BACH2: variants seen among roughly 807,000 people sequenced by gnomAD.
BACH2 encodes the protein transcription regulator protein BACH2.
In BACH2, 5 loss-of-function variants were observed where a neutral mutation model predicts 61.8. That is an observed-to-expected ratio of 0.08 (90% confidence interval 0.04 to 0.17). The LOEUF is 0.17. Ranked by LOEUF, BACH2 falls within the 10% of genes least tolerant of loss-of-function variation. The pLI is 1.00. For missense variants in BACH2, 824 were observed against 1,091.1 expected (o/e 0.76, Z 3.45); for synonymous variants, 446 against 440.1 (o/e 1.01, Z -0.17).
chr6:90,149,324 A>C (rs1394062994), intron 4 of BACH2, among the ~76,000 whole-genome samples: 2 of 152,200 alleles, frequency 1.3e-5, no homozygotes, highest in African/African-American at 4.8e-5. Flanking sequence ...AGTACTCCCA[A>C]CTCACTGTTA....
intron 4 of BACH2, among the ~76,000 whole-genome samples, chr6:90,114,810 C>T (rs1390463926): frequency 6.6e-6 from 1 of 152,136 alleles, no homozygotes; most frequent in Non-Finnish European, 1.5e-5. Flanking sequence ...TAAACAACTT[C>T]AACGAAGTTG....
intron 8 of BACH2, among the ~76,000 whole-genome samples, chr6:89,935,511 T>C (rs965833776): frequency 3.3e-5 from 5 of 152,304 alleles, no homozygotes; most frequent in South Asian, 4.1e-4. Flanking sequence ...GGGGAAGGCA[T>C]TGCAAATCAT....
At chr6:89,941,025 G>A (rs1273205264) in intron 7 of BACH2, among the ~76,000 whole-genome samples, 4 of 152,124 alleles carry the variant, frequency 2.6e-5, no homozygotes, top group African/African-American at 9.7e-5. Flanking sequence ...ATGAATCCCA[G>A]CAGCCAGAAA....
At chr6:90,147,536 G>A (rs1784665244) in intron 4 of BACH2, among the ~76,000 whole-genome samples, 1 of 152,152 alleles carries the variant, frequency 6.6e-6, no homozygotes, top group South Asian at 2.1e-4. Context: ...TAGTTTCATT[G>A]TCTAGAAGGA....
chr6:90,295,866 A>C (rs1772345775), intron 1 of BACH2, among the ~76,000 whole-genome samples: 1 of 150,716 alleles, frequency 6.6e-6, no homozygotes, highest in East Asian at 2.0e-4. Flanking sequence ...GCGACCCTAA[A>C]CTTGGGCTTT....
intron 8 of BACH2, among the ~76,000 whole-genome samples, chr6:89,933,460 G>A (rs1397378676): frequency 6.6e-6 from 1 of 152,118 alleles, no homozygotes; most frequent in African/African-American, 2.4e-5. Context: ...GTGGATCCAT[G>A]TCATTATACA....
At chr6:90,112,409 C>T (rs887008873) in intron 4 of BACH2, among the ~76,000 whole-genome samples, 33 of 152,270 alleles carry the variant, frequency 2.2e-4, no homozygotes, top group African/African-American at 7.9e-4. Flanking sequence ...ACCTCTAAGG[C>T]TGAAACCCTA....
intron 2 of BACH2, among the ~76,000 whole-genome samples, chr6:90,258,067 G>A (rs1053888624): frequency 9.9e-5 from 15 of 152,132 alleles, no homozygotes; most frequent in African/African-American, 2.7e-4. Context: ...GAGCCACTGC[G>A]CCCAGCCCCC....
intron 4 of BACH2, among the ~76,000 whole-genome samples, chr6:90,110,337 T>C (rs1783114241): frequency 6.6e-6 from 1 of 152,252 alleles, no homozygotes; most frequent in Admixed American, 6.5e-5. Context: ...ACTTTGTTAA[T>C]ATTAAAATCT....
chr6:90,083,058 T>G (rs952661683), intron 5 of BACH2, among the ~76,000 whole-genome samples: 3 of 152,178 alleles, frequency 2.0e-5, no homozygotes, highest in Non-Finnish European at 4.4e-5. Context: ...TCTGTGCAAC[T>G]TCCAGCTGCC....
rs1316764670 is a variant in BACH2 at position 90,283,012 on chromosome 6, A to G, written c.-445-11071T>C. ...AACTCCCATTCATTCACATCCTTAC[A>G]TGGTATTGTCAGGTTTTAAAATTTC... is the stretch of plus-strand genomic sequence containing the variant. On this transcript the variant is annotated intron_variant, in intron 1 of 8. Coordinates refer to ENST00000257749, the MANE Select transcript of BACH2 (RefSeq NM_021813.4). 3.9e-5 allele frequency among the ~76,000 whole-genome samples: 6 copies of G among 152,350 alleles called. No homozygotes were observed. In the South Asian group the frequency reaches 8.3e-4, roughly 21 times the overall value.
intron 5 of BACH2, chr6:90,080,862 A>G: frequency 1.3e-6 from 1 of 768,402 alleles, no homozygotes; most frequent in Non-Finnish European, 1.6e-6. Flanking sequence ...GCGGTACTCG[A>G]GCAGCTCTGA....
At chr6:90,166,848 C>T (rs551584416) in intron 4 of BACH2, among the ~76,000 whole-genome samples, 2 of 144,402 alleles carry the variant, frequency 1.4e-5, no homozygotes, top group Non-Finnish European at 3.0e-5. Flanking sequence ...TAGGTGGGAA[C>T]TGAACAATGA....
intron 3 of BACH2, among the ~76,000 whole-genome samples, chr6:90,238,861 G>A (rs930304514): frequency 2.6e-5 from 4 of 152,158 alleles, no homozygotes; most frequent in African/African-American, 7.2e-5. Flanking sequence ...ACTGCCTTGT[G>A]TGGAGCTCAT....
intron 4 of BACH2, among the ~76,000 whole-genome samples, chr6:90,188,983 ACT>A (rs1357297046): frequency 2.0e-5 from 3 of 152,130 alleles, no homozygotes; most frequent in Non-Finnish European, 4.4e-5. Context: ...ACCCGTAATT[ACT>A]CTCTTTTTAC....
At chr6:89,939,227 GCCT>G (rs1347902039) in intron 7 of BACH2, among the ~76,000 whole-genome samples, 1 of 152,160 alleles carries the variant, frequency 6.6e-6, no homozygotes, top group Non-Finnish European at 1.5e-5. Context: ...AGGGGCTGAT[GCCT>G]CTAGTCAACA....
intron 8 of BACH2, among the ~76,000 whole-genome samples, chr6:89,936,204 G>A (rs1353789926): frequency 6.6e-6 from 1 of 152,318 alleles, no homozygotes; most frequent in African/African-American, 2.4e-5. Flanking sequence ...TCAAGAGTAA[G>A]TGATAAGCAC....
chr6:90,296,075 C>T (rs748285088), intron 1 of BACH2, among the ~76,000 whole-genome samples: 4 of 151,982 alleles, frequency 2.6e-5, no homozygotes, highest in Non-Finnish European at 4.4e-5. Context: ...GGCAGGGCCG[C>T]GGGTCTGACA....
At chr6:90,253,895 A>T (rs1183901103) in intron 2 of BACH2, among the ~76,000 whole-genome samples, 3 of 151,828 alleles carry the variant, frequency 2.0e-5, no homozygotes, top group Admixed American at 2.0e-4. Flanking sequence ...TTGCCGAACT[A>T]TTTTTTTTAA....
Sources: gnomAD v4.1 joint callset for allele counts (sites outside exome capture counted in the v4.1 genomes callset) on GRCh38, gnomAD v4.1.1 for gene constraint, MANE v1.5 for transcripts, NCBI Gene and HGNC (gene_info 2026-07-23, HGNC 2026-07-21) for gene names.